The following NTNG1 variants were observed in gnomAD, a reference collection of about 807,000 sequenced individuals.
NTNG1 encodes netrin-G1.
In NTNG1, 16 loss-of-function variants were observed where a neutral mutation model predicts 54.0. The ratio of observed to expected loss-of-function variants is 0.30; its 90% CI spans 0.20 to 0.45. The LOEUF (loss-of-function observed/expected upper bound fraction) is 0.45. Among genes scored for constraint, NTNG1 ranks in the 20% least tolerant of loss-of-function variants. The pLI is 1.00. For synonymous variants in NTNG1, 255 were observed against 263.1 expected, an observed-to-expected ratio of 0.97 and a Z score of 0.30; for missense variants, 530 against 678.7, an observed-to-expected ratio of 0.78 and a Z score of 2.43.
intron 3 of NTNG1, among the ~76,000 whole-genome samples, chr1:107,360,870 A>G (rs1670220310): frequency 6.6e-6 from 1 of 152,096 alleles, no homozygotes; most frequent in Admixed American, 6.6e-5. Context: ...CCATGCCTCC[A>G]GAATACATGT....
chr1:107,193,989 C>G (rs764863709), intron 2 of NTNG1, among the ~76,000 whole-genome samples: 1 of 151,946 alleles, frequency 6.6e-6, no homozygotes. Context: ...GAATTCTTGC[C>G]CAGGATTTTA....
chr1:107,395,539 A>C, intron 4 of NTNG1: 1 of 728,582 alleles, frequency 1.4e-6, no homozygotes, highest in Non-Finnish European at 2.5e-6. Context: ...TTCACATCAA[A>C]TGTGTTGGGA....
At chr1:107,226,469 A>C (rs920160114) in intron 2 of NTNG1, among the ~76,000 whole-genome samples, 12 of 152,166 alleles carry the variant, frequency 7.9e-5, no homozygotes, top group Admixed American at 7.2e-4. Flanking sequence ...GGAATAAAAC[A>C]CATGTAGGTT....
chr1:107,140,193 T>C (rs912506661), upstream of NTNG1: 1 of 152,464 alleles, frequency 6.6e-6, no homozygotes, highest in African/African-American at 2.4e-5. Context: ...AGCGCACAGG[T>C]CTCGAGGTAG....
chr1:107,297,010 G>T (rs1396984361), intron 2 of NTNG1, among the ~76,000 whole-genome samples: 1 of 148,474 alleles, frequency 6.7e-6, no homozygotes, highest in African/African-American at 2.5e-5. Context: ...GAATCATTTT[G>T]CTGTTGCCTT....
At chr1:107,176,894 T>C (rs1656687868) in intron 2 of NTNG1, among the ~76,000 whole-genome samples, 1 of 152,162 alleles carries the variant, frequency 6.6e-6, no homozygotes, top group African/African-American at 2.4e-5. Context: ...ACTGGATAAT[T>C]TCCTGTTATA....
intron 3 of NTNG1, among the ~76,000 whole-genome samples, chr1:107,387,315 T>G (rs1672070913): frequency 6.6e-6 from 1 of 152,222 alleles, no homozygotes; most frequent in Non-Finnish European, 1.5e-5. Context: ...GCCAAAAATT[T>G]TATTCTGGTA....
At chr1:107,176,381 G>C (rs2101112546) in intron 2 of NTNG1, among the ~76,000 whole-genome samples, 1 of 152,250 alleles carries the variant, frequency 6.6e-6, no homozygotes, top group South Asian at 2.1e-4. Flanking sequence ...TTAAGTATCT[G>C]AACACAAGAT....
At chr1:107,308,065 C>G (rs1335802326) in intron 2 of NTNG1, among the ~76,000 whole-genome samples, 1 of 151,858 alleles carries the variant, frequency 6.6e-6, no homozygotes, top group African/African-American at 2.4e-5. Flanking sequence ...CTGTATTAAC[C>G]TTTGTCAGAT....
chr1:107,237,406 A>G (rs932197246), intron 2 of NTNG1, among the ~76,000 whole-genome samples: 1 of 152,206 alleles, frequency 6.6e-6, no homozygotes, highest in Non-Finnish European at 1.5e-5. Context: ...ATGCAGCCTG[A>G]CAATGCAATA....
At chr1:107,439,277 C>CGTGTGTGTGTGTGT (rs3064151) in intron 7 of NTNG1, among the ~76,000 whole-genome samples, 3,621 of 145,814 alleles carry the variant, frequency 0.025, 60 homozygotes, top group Admixed American at 0.043. Flanking sequence ...CCAGAACTTG[C>CGTGTGTGTGTGTGT]GTGTGTGTGT....
intron 7 of NTNG1, among the ~76,000 whole-genome samples, chr1:107,443,766 G>T (rs1048235166): frequency 6.6e-6 from 1 of 152,026 alleles, no homozygotes; most frequent in East Asian, 1.9e-4. Context: ...CTACAAGTTG[G>T]TCTCATCAAT....
chr1:107,316,744 A>T (rs2101854034), intron 2 of NTNG1, among the ~76,000 whole-genome samples: 1 of 152,294 alleles, frequency 6.6e-6, no homozygotes, highest in East Asian at 1.9e-4. Flanking sequence ...TGAGCAACCC[A>T]TTTGAGAAAC....
At chr1:107,161,887 A>G (rs1231807690) in intron 2 of NTNG1, among the ~76,000 whole-genome samples, 1 of 151,874 alleles carries the variant, frequency 6.6e-6, no homozygotes, top group Non-Finnish European at 1.5e-5. Flanking sequence ...TTATGTGTTC[A>G]AAAATAACAC....
chr1:107,400,506 G>A (rs1672953396), intron 4 of NTNG1, among the ~76,000 whole-genome samples: 1 of 152,126 alleles, frequency 6.6e-6, no homozygotes, highest in Non-Finnish European at 1.5e-5. Context: ...ACACAGAAAG[G>A]TTAAGTTGTT....
At chr1:107,455,104 C>A (rs975648588) in intron 7 of NTNG1, among the ~76,000 whole-genome samples, 5 of 151,644 alleles carry the variant, frequency 3.3e-5, no homozygotes, top group African/African-American at 1.2e-4. Context: ...GCTTTTGTCG[C>A]CCAGGCTGGA....
intron 2 of NTNG1, among the ~76,000 whole-genome samples, chr1:107,240,381 T>G (rs1357963927): frequency 6.6e-6 from 1 of 152,094 alleles, no homozygotes; most frequent in Non-Finnish European, 1.5e-5. Flanking sequence ...GTCACGCTGC[T>G]TAACTCCAAA....
intron 7 of NTNG1, 39 bp from the exon 8 acceptor site, chr1:107,480,569 TCCC>T: frequency 3.3e-6 from 2 of 609,594 alleles, no homozygotes; most frequent in Non-Finnish European, 3.1e-6. Context: ...CTGCTTCTCC[TCCC>T]CGCGCCCACC....
intron 3 of NTNG1, among the ~76,000 whole-genome samples, chr1:107,326,497 T>C (rs1183669106): frequency 1.3e-5 from 2 of 152,118 alleles, no homozygotes; most frequent in African/African-American, 4.8e-5. Flanking sequence ...ATCTTATTCT[T>C]GGGGAAGTAT....
Sources: allele counts gnomAD v4.1 joint callset (sites outside exome capture counted in the v4.1 genomes callset), GRCh38; gene constraint gnomAD v4.1.1; transcripts MANE v1.5; gene names NCBI Gene and HGNC (gene_info 2026-07-23, HGNC 2026-07-21).